The following IL1RAPL1 variants were observed in gnomAD, a reference collection of about 807,000 sequenced individuals.
IL1RAPL1 encodes interleukin-1 receptor accessory protein-like 1.
Under a neutral mutation model 48.4 loss-of-function variants are expected in IL1RAPL1, and 3 were observed. The observed-to-expected ratio is 0.06, with a 90% CI of 0.03 to 0.16. The LOEUF (loss-of-function observed/expected upper bound fraction) is 0.16. Among genes scored for constraint, IL1RAPL1 ranks in the 10% least tolerant of loss-of-function variants. The probability of loss-of-function intolerance (pLI) is 1.00; values close to 1 mark genes in which losing one functional copy is unlikely to be tolerated. For missense variants in IL1RAPL1, 349 were observed against 530.6 expected (o/e 0.66, Z 3.36); for synonymous variants, 185 against 187.7 (o/e 0.99, Z 0.12).
chrX:29,429,892 GTGGTGT>G (rs1429051108), intron 5 of IL1RAPL1, among the ~76,000 whole-genome samples: 3 of 62,516 alleles, frequency 4.8e-5, no homozygotes, highest in South Asian at 1.2e-3. Flanking sequence ...GTGTGTGTGT[GTGGTGT>G]GTGTGTGTGT....
chrX:29,075,592 A>G (rs1317025895), intron 2 of IL1RAPL1, among the ~76,000 whole-genome samples: 1 of 111,927 alleles, frequency 8.9e-6, no homozygotes, highest in Non-Finnish European at 1.9e-5. Flanking sequence ...TAGGCTTGCA[A>G]TTTTCTCATC....
intron 6 of IL1RAPL1, among the ~76,000 whole-genome samples, chrX:29,747,114 A>C (rs1465468911): frequency 8.9e-6 from 1 of 112,081 alleles, no homozygotes; most frequent in East Asian, 2.8e-4. Flanking sequence ...TCAGGATAGA[A>C]CCCACTGGAT....
At chrX:29,513,405 T>A (rs1354577074) in intron 5 of IL1RAPL1, among the ~76,000 whole-genome samples, 2 of 111,949 alleles carry the variant, frequency 1.8e-5, no homozygotes, top group African/African-American at 6.5e-5. Context: ...AGTAATAAAA[T>A]TATATGCTAC....
At chrX:29,321,745 C>A (rs1273587440) in intron 3 of IL1RAPL1, among the ~76,000 whole-genome samples, 1 of 111,511 alleles carries the variant, frequency 9.0e-6, no homozygotes, top group East Asian at 2.8e-4. Context: ...GGATGTCACT[C>A]TACACTTTAT....
At chrX:28,611,038 T>G (rs1934140868) in intron 1 of IL1RAPL1, among the ~76,000 whole-genome samples, 2 of 111,415 alleles carry the variant, frequency 1.8e-5, no homozygotes, top group African/African-American at 6.5e-5. Flanking sequence ...TGCATGTTAG[T>G]TCAGAATGTT....
intron 2 of IL1RAPL1, among the ~76,000 whole-genome samples, chrX:28,815,334 T>TA (rs1480657853): frequency 9.0e-6 from 1 of 110,657 alleles, no homozygotes; most frequent in East Asian, 2.9e-4. Flanking sequence ...TTTCTTTTTT[T>TA]ATTGTTACAT....
intron 1 of IL1RAPL1, among the ~76,000 whole-genome samples, chrX:28,624,475 C>T (rs886879141): frequency 3.6e-5 from 4 of 111,956 alleles, no homozygotes; most frequent in South Asian, 3.7e-4. Context: ...ACTAGACACA[C>T]GTACACATGC....
intron 5 of IL1RAPL1, among the ~76,000 whole-genome samples, chrX:29,613,761 C>CTTTT (rs1292640918): frequency 2.3e-5 from 1 of 44,296 alleles, no homozygotes; most frequent in Non-Finnish European, 4.1e-5. Flanking sequence ...GTGTGTGTTT[C>CTTTT]TTTTTTTTTT....
At chrX:29,138,142 C>G in intron 2 of IL1RAPL1, among the ~76,000 whole-genome samples, 1 of 112,417 alleles carries the variant, frequency 8.9e-6, no homozygotes, top group East Asian at 2.8e-4. Flanking sequence ...CATCTACAAG[C>G]TATCAGATTT....
chrX:29,586,001 C>T (rs1273966286), intron 5 of IL1RAPL1, among the ~76,000 whole-genome samples: 2 of 111,480 alleles, frequency 1.8e-5, no homozygotes, highest in Non-Finnish European at 3.8e-5. Context: ...CCTCTTCATT[C>T]TCTTGATTGT....
intron 3 of IL1RAPL1, among the ~76,000 whole-genome samples, chrX:29,346,073 G>T (rs1933146280): frequency 8.9e-6 from 1 of 112,070 alleles, no homozygotes; most frequent in African/African-American, 3.2e-5. Flanking sequence ...ATGAGGAAAA[G>T]ATTCATTTCT....
At chrX:28,977,312 C>T (rs1242514439) in intron 2 of IL1RAPL1, among the ~76,000 whole-genome samples, 1 of 112,084 alleles carries the variant, frequency 8.9e-6, no homozygotes, top group Non-Finnish European at 1.9e-5. Flanking sequence ...GGGGAGGCCT[C>T]AGGAAGCTTA....
chrX:28,737,577 G>T (rs1935859228), intron 1 of IL1RAPL1, among the ~76,000 whole-genome samples: 1 of 111,337 alleles, frequency 9.0e-6, no homozygotes, highest in African/African-American at 3.3e-5. Context: ...TACTTCTGAA[G>T]TCCTTTCATT....
intron 1 of IL1RAPL1, among the ~76,000 whole-genome samples, chrX:28,599,251 C>CAAA (rs771389258): frequency 3.6e-5 from 2 of 55,854 alleles, no homozygotes; most frequent in African/African-American, 6.5e-5. Flanking sequence ...GACTCCATCT[C>CAAA]AAAAAAAAAA....
intron 5 of IL1RAPL1, among the ~76,000 whole-genome samples, chrX:29,414,326 A>G (rs991614182): frequency 8.9e-6 from 1 of 112,227 alleles, no homozygotes; most frequent in African/African-American, 3.2e-5. Context: ...TGTACACTTA[A>G]AATTAGTTAA....
At chrX:29,839,719 C>T (rs914494021) in intron 6 of IL1RAPL1, among the ~76,000 whole-genome samples, 3 of 111,616 alleles carry the variant, frequency 2.7e-5, no homozygotes, top group African/African-American at 9.8e-5. Flanking sequence ...GGTTCAAGAC[C>T]AACCTGGCCA....
chrX:29,520,773 A>G (rs1464188155), intron 5 of IL1RAPL1, among the ~76,000 whole-genome samples: 1 of 111,269 alleles, frequency 9.0e-6, no homozygotes, highest in Non-Finnish European at 1.9e-5. Flanking sequence ...TCATTTGCTT[A>G]TTGAACTCCT....
At chrX:29,423,187 C>G (rs1189082689) in intron 5 of IL1RAPL1, among the ~76,000 whole-genome samples, 1 of 111,838 alleles carries the variant, frequency 8.9e-6, no homozygotes, top group Admixed American at 9.5e-5. Context: ...CCACCAATTG[C>G]TAATCACAGA....
At chrX:28,780,143 G>A (rs1936404956) in intron 1 of IL1RAPL1, among the ~76,000 whole-genome samples, 1 of 111,145 alleles carries the variant, frequency 9.0e-6, no homozygotes, top group South Asian at 3.7e-4. Flanking sequence ...TTATTCAAAA[G>A]CAAAGTTACA....
Sources: gnomAD v4.1 joint callset for allele counts (sites outside exome capture counted in the v4.1 genomes callset) on GRCh38, gnomAD v4.1.1 for gene constraint, MANE v1.5 for transcripts, NCBI Gene and HGNC (gene_info 2026-07-23, HGNC 2026-07-21) for gene names.